SETD1B: variants seen among roughly 807,000 people sequenced by gnomAD.
SETD1B encodes histone-lysine N-methyltransferase SETD1B.
SETD1B carries 7 observed loss-of-function variants against 148.0 expected under a neutral mutation model. The observed-to-expected ratio is 0.05, with a 90% CI of 0.03 to 0.09. The LOEUF (loss-of-function observed/expected upper bound fraction) is 0.09. Ranked by LOEUF, SETD1B falls within the 10% of genes least tolerant of loss-of-function variation. SETD1B has a pLI of 1.00. For synonymous variants in SETD1B, 1,361 were observed against 1,186.5 expected, an observed-to-expected ratio of 1.15 and a Z score of -3.02; for missense variants, 2,155 against 2,729.9, an observed-to-expected ratio of 0.79 and a Z score of 4.69.
chr12:121,822,641 C>T lies in SETD1B; in HGVS notation c.4062C>T (p.Pro1354=), dbSNP rs114351527. ...DASHPSVPPE[P]LAEDHPPHTP... is the part of the protein sequence containing the mutation. ...CACACCCATCTGTCCCTCCGGAGCC[C>T]CTTGCCGAGGACCACCCCCCGCATA... Residue 1354 remains proline, a synonymous_variant, in exon 12 of 17, where the codon CCC becomes CCT. Coordinates refer to ENST00000604567, the MANE Select transcript of SETD1B (RefSeq NM_001353345.2). 4,989 of 1,551,330 alleles carry T rather than the reference C, an allele frequency of 3.2e-3. 168 individuals are homozygous for T. In the African/African-American group the frequency reaches 0.06, roughly 19 times the overall value.
chr12:121,817,944 C>A lies in SETD1B; in HGVS notation c.3418+40C>A. The A allele has an allele frequency of 1.3e-6, 2 of 1,486,982 alleles. No individual in the cohort carries two copies. The highest frequency in any genetic ancestry group is 1.3e-5 in the South Asian group (1 of 75,654). 92.1% of individuals were successfully genotyped at this position (1,486,982 alleles called of 1,614,324 possible). On this transcript the variant is annotated intron_variant, in intron 10 of 16. Coordinates refer to ENST00000604567, the MANE Select transcript of SETD1B (RefSeq NM_001353345.2). The surrounding 1 kb of genome is among the most constrained non-coding windows in gnomAD (Gnocchi z 8.1). ...CGTGGCTGCCTGGCCCTCCCGGAGT[C>A]CCTCTTTCCCCGGGGCAGAGCCTGA...
intron 13 of SETD1B, 80 bp from the exon 14 acceptor site, chr12:121,827,439 A>T (rs1403250125): frequency 4.2e-6 from 6 of 1,445,678 alleles, no homozygotes; most frequent in Non-Finnish European, 5.5e-6. Context: ...GACACTGGGG[A>T]TGACAGAGAT....
In SETD1B at chr12:121,814,876, G is replaced by A. The variant is rs956074875; in HGVS notation, c.2661G>A (p.Val887=). Residue 887 remains valine (V), a synonymous_variant, in exon 7 of 17, where the codon GTG becomes GTA. Coordinates refer to ENST00000604567, the MANE Select transcript of SETD1B (RefSeq NM_001353345.2). ...KRDLNRKMVE[V]VAFRAFDEWW... ...ACCTGAACCGCAAGATGGTGGAAGTGGTGGCTTTCCGGGCCTTTGACGAGT... is the reference window on the plus strand; with the variant it reads ...ACCTGAACCGCAAGATGGTGGAAGTAGTGGCTTTCCGGGCCTTTGACGAGT... 3.2e-6 allele frequency: 5 copies of A among 1,551,472 alleles called. No homozygotes were observed. The African/African-American group carries it at 6.8e-5, about 21-fold the overall frequency.
intron 16 of SETD1B, among the ~76,000 whole-genome samples, chr12:121,829,307 G>A (rs1026396972): frequency 6.6e-6 from 1 of 152,184 alleles, no homozygotes; most frequent in African/African-American, 2.4e-5. Context: ...ATGGGGGCCT[G>A]AGCGTGGCTG....
chr12:121,803,084 A>T (rs1269552565), upstream of SETD1B: 1 of 151,016 alleles, frequency 6.6e-6, no homozygotes, highest in Non-Finnish European at 1.5e-5. This position sits in a 1 kb window ranked among gnomAD's most constrained non-coding sequence, Gnocchi z 4.7. Context: ...GAGCCCCAAT[A>T]TGAGCTACAC....
chr12:121,810,261 C>T lies in SETD1B; in HGVS notation c.1316C>T (p.Pro439Leu). Reference protein sequence around the residue: ...RRAPAPPPLPPAEPLAKEKPG... With the variant: ...RRAPAPPPLPLAEPLAKEKPG... ...GCACCGGCGCCCCCACCCCTGCCAC[C>T]TGCTGAGCCTCTGGCCAAGGAGAAG... The change falls in exon 6 of 17, where the codon CCT becomes CTT. Residue 439 changes from proline (P) to leucine (L), a missense_variant. Pro to Leu is a moderately conservative substitution (Grantham distance 98). Transcript: ENST00000604567. This position sits in a 1 kb window ranked among gnomAD's most constrained non-coding sequence, Gnocchi z 7.6. 6.5e-7 allele frequency: 1 copy of T among 1,545,474 alleles called. No homozygotes were observed. The highest frequency in any genetic ancestry group is 8.7e-7 in the Non-Finnish European group (1 of 1,146,774).
chr12:121,793,474 C>T, the SETD1B span: 1 of 1,539,340 alleles, frequency 6.5e-7, no homozygotes, highest in Non-Finnish European at 8.7e-7. Flanking sequence ...CGCCCCCACC[C>T]CAGCCCCGCT....
Position 121,810,657 on chromosome 12 carries a change from A to G in SETD1B, c.1712A>G (p.Asp571Gly). 1 of 1,549,436 alleles carries G rather than the reference A, an allele frequency of 6.5e-7. No homozygotes were observed. The highest frequency in any genetic ancestry group is 8.7e-7 in the Non-Finnish European group (1 of 1,146,682). ...SSRPSSTGLEDISPTPLPDSD... is the reference protein window; with the variant it reads ...SSRPSSTGLEGISPTPLPDSD... ...CGCCCCTCCAGCACCGGCCTGGAGG[A>G]TATCAGCCCAACACCCCTCCCAGAC... Residue 571 changes from aspartate (D) to glycine (G), a missense_variant, in exon 6 of 17, where the codon GAT becomes GGT. Asp to Gly is a moderately conservative substitution (Grantham distance 94). Around this residue, in one of 11 missense-constraint regions of SETD1B, gnomAD observed 295 missense variants for 303.8 expected, o/e 0.97. Transcript: ENST00000604567. The surrounding 1 kb of genome is among the most constrained non-coding windows in gnomAD (Gnocchi z 7.6).
chr12:121,827,694 C>G (rs1340020091), intron 14 of SETD1B, 41 bp from the exon 15 acceptor site: 1 of 1,551,576 alleles, frequency 6.4e-7, no homozygotes, highest in Non-Finnish European at 8.7e-7. Context: ...GCGGCAGGAC[C>G]TGAGACCGGG....
At chr12:121,795,220 TCTC>T in the SETD1B span, 53 of 151,848 alleles carry the variant, frequency 3.5e-4, no homozygotes, top group African/African-American at 1.2e-3. Flanking sequence ...CAAAGGGTAA[TCTC>T]CTGGGTCAAG....
rs992733607 is a variant in SETD1B, at chr12:121,831,783, C to T, written c.*1544C>T. The T allele has an allele frequency of 6.6e-6, 1 of 152,186 alleles. No homozygotes were observed. The highest frequency in any genetic ancestry group is 1.5e-5 in the Non-Finnish European group (1 of 68,028). 9.4% of individuals were successfully genotyped at this position (152,186 alleles called of 1,614,324 possible). A position where few individuals can be genotyped will look rare whatever the true frequency, so the allele number is the denominator to read the frequency against. The stretch of plus-strand genomic sequence containing the variant: ...CTCCCACCCTGCGGACGCAGGCGGC[C>T]GGAGCCTCTGGTATCTCAGCTTGTG... On this transcript the variant is annotated 3_prime_UTR_variant, in exon 17 of 17. Transcript: ENST00000604567.
chr12:121,824,027 T>C (rs1876717546), intron 12 of SETD1B, among the ~76,000 whole-genome samples: 1 of 152,224 alleles, frequency 6.6e-6, no homozygotes, highest in South Asian at 2.1e-4. Context: ...GCCGTGCAGC[T>C]TAACAGCACA....
Position 121,817,540 on chromosome 12 carries a change from T to C in SETD1B, c.3148T>C (p.Ser1050Pro), listed in dbSNP as rs1258108538. The change falls in exon 9 of 17, where the codon TCA (serine) becomes CCA (proline). Residue 1050 changes from serine to proline, a missense_variant. Physicochemically the swap from Ser to Pro is moderately conservative, Grantham distance 74. Transcript: ENST00000604567. The surrounding 1 kb of genome is among the most constrained non-coding windows in gnomAD (Gnocchi z 8.1). ...GTCGGCGTCCTCGTCCTCATCCGCG[T>C]CATCATCCTCGGGGTCCTCAACCAC... is the stretch of plus-strand genomic sequence containing the variant. ...SLSASSSSSA[S>P]SSSGSSTTSP... 36 of 1,551,392 alleles carry C rather than the reference T, an allele frequency of 2.3e-5. No individual in the cohort carries two copies. The highest frequency in any genetic ancestry group is 3.0e-5 in the Non-Finnish European group (34 of 1,146,934).
Position 121,810,025 on chromosome 12 carries a change from T to C in SETD1B, c.1080T>C (p.Thr360=), listed in dbSNP as rs1875944123. The C allele has an allele frequency of 1.3e-6, 2 of 1,550,446 alleles. No individual in the cohort carries two copies. The highest frequency in any genetic ancestry group is 2.0e-5 in the Admixed American group (1 of 50,996). The change falls in exon 6 of 17, where the codon ACT becomes ACC. Residue 360 remains threonine, a synonymous_variant. Transcript: ENST00000604567. The surrounding 1 kb of genome is among the most constrained non-coding windows in gnomAD (Gnocchi z 7.6). The part of the protein sequence containing the change: ...SDLPFGAVGG[T]GGSSGPPFKA... Reference sequence around the variant, plus strand: ...TCCCGTTCGGAGCAGTCGGCGGCACTGGGGGCAGCAGCGGTCCCCCGTTCA... The same window carrying C: ...TCCCGTTCGGAGCAGTCGGCGGCACCGGGGGCAGCAGCGGTCCCCCGTTCA...
chr12:121,790,217 G>T, the SETD1B span, among the ~76,000 whole-genome samples: 2 of 152,262 alleles, frequency 1.3e-5, no homozygotes, highest in African/African-American at 4.8e-5. Context: ...ACCAGCGTTT[G>T]GTCCTGGGTG....
At chr12:121,795,349 T>TG in the SETD1B span, 3 of 152,152 alleles carry the variant, frequency 2.0e-5, no homozygotes, top group African/African-American at 7.3e-5. Context: ...AGCAGTGCAA[T>TG]GGAGGTTGGA....
At chr12:121,811,858 G>C (rs1053223364) in intron 6 of SETD1B, among the ~76,000 whole-genome samples, 4 of 152,194 alleles carry the variant, frequency 2.6e-5, no homozygotes, top group African/African-American at 4.8e-5. Flanking sequence ...GCAGTTCTGG[G>C]GAAGTGGTTT....
At position 121,818,148 on chromosome 12, in the gene SETD1B, G is replaced by A. The variant is rs77641806; in HGVS notation, c.3418+244G>A. 1.7e-3 allele frequency among the ~76,000 whole-genome samples: 264 copies of A among 152,294 alleles called. 4 individuals carry two copies. Among genetic ancestry groups the A allele is most frequent in the African/African-American group, 6.0e-3 (251 of 41,554 alleles). ...TTAGGGCTGGGGAGCCCGGTGTTCA[G>A]GGGGGCTTGCTCAGCCTACATGGCT... On this transcript the variant is annotated intron_variant, in intron 10 of 16. Coordinates refer to ENST00000604567, the MANE Select transcript of SETD1B (RefSeq NM_001353345.2).
chr12:121,831,806 G>A lies in SETD1B; in HGVS notation c.*1567G>A. On this transcript the variant is annotated 3_prime_UTR_variant, in exon 17 of 17. Transcript: ENST00000604567. Reference sequence around the variant, plus strand: ...GCCGGAGCCTCTGGTATCTCAGCTTGTGTCAAGCTTGTTATCATGTAAATT... The same window carrying A: ...GCCGGAGCCTCTGGTATCTCAGCTTATGTCAAGCTTGTTATCATGTAAATT... 1 of 152,140 alleles carries A rather than the reference G, an allele frequency of 6.6e-6. No homozygotes were observed. The highest frequency in any genetic ancestry group is 1.9e-4 in the East Asian group (1 of 5,200). 9.4% of individuals were successfully genotyped at this position (152,140 alleles called of 1,614,324 possible). A position where few individuals can be genotyped will look rare whatever the true frequency, so the allele number is the denominator to read the frequency against.
Sources: allele counts gnomAD v4.1 joint callset (sites outside exome capture counted in the v4.1 genomes callset), GRCh38; gene constraint gnomAD v4.1.1; regional missense constraint gnomAD v4.1.1; non-coding constraint Gnocchi (gnomAD v3.1); transcripts MANE v1.5; gene names NCBI Gene and HGNC (gene_info 2026-07-23, HGNC 2026-07-21).